The following RICTOR variants were observed in gnomAD, a reference collection of about 807,000 sequenced individuals.
RICTOR encodes rapamycin-insensitive companion of mTOR.
RICTOR carries 49 observed loss-of-function variants against 214.9 expected under a neutral mutation model. That is an observed-to-expected ratio of 0.23 (90% CI 0.18 to 0.29). RICTOR has a LOEUF of 0.29. RICTOR is among the 10% of genes least tolerant of loss of function. RICTOR has a pLI of 1.00. For synonymous variants in RICTOR, 717 were observed against 711.3 expected (o/e 1.01, Z -0.13); for missense variants, 1,625 against 2,047.0 (o/e 0.79, Z 3.98).
chr5:39,025,375 G>C (rs1374288533), intron 2 of RICTOR, among the ~76,000 whole-genome samples: 1 of 152,190 alleles, frequency 6.6e-6, no homozygotes, highest in African/African-American at 2.4e-5. Context: ...ACCTAGACCA[G>C]GGCTAGACCA....
rs535357199 is a variant in RICTOR, at chr5:39,039,658, A to G, written c.98-18522T>C. 2.1e-3 allele frequency among the ~76,000 whole-genome samples: 326 copies of G among 152,296 alleles called. 1 individual carries two copies. The highest frequency in any genetic ancestry group is 7.6e-3 in the African/African-American group (317 of 41,568). ...AACCCCATCAAAAAGTGGGCAAAGG[A>G]TATGAACAGACACTTCTCAAAAGAA... On this transcript the variant is annotated intron_variant, in intron 2 of 37. Transcript: ENST00000357387.
At chr5:38,990,623 TGATA>T (rs1752571645) in intron 7 of RICTOR, among the ~76,000 whole-genome samples, 1 of 107,368 alleles carries the variant, frequency 9.3e-6, no homozygotes, top group African/African-American at 3.6e-5. Context: ...ATACGATATA[TGATA>T]TATATATCTG....
intron 27 of RICTOR, among the ~76,000 whole-genome samples, chr5:38,954,504 C>A (rs1749067415): frequency 6.6e-6 from 1 of 151,852 alleles, no homozygotes; most frequent in Admixed American, 6.6e-5. Context: ...GAACTCAGAT[C>A]TTCATTGGAT....
At chr5:39,055,614 C>A (rs550552685) in intron 2 of RICTOR, among the ~76,000 whole-genome samples, 64 of 152,158 alleles carry the variant, frequency 4.2e-4, no homozygotes, top group African/African-American at 1.5e-3. Context: ...TAAAGGTCAA[C>A]AAATATTTGT....
At chr5:38,951,773 A>G (rs1204876802) in intron 30 of RICTOR, among the ~76,000 whole-genome samples, 1 of 152,026 alleles carries the variant, frequency 6.6e-6, no homozygotes, top group Non-Finnish European at 1.5e-5. Flanking sequence ...TTTAAAATTT[A>G]GTGCTTCTCT....
intron 29 of RICTOR, 65 bp from the exon 30 acceptor site, chr5:38,952,490 A>AG: frequency 9.1e-7 from 1 of 1,104,652 alleles, no homozygotes; most frequent in Admixed American, 2.0e-5. Context: ...AAGCCACCAC[A>AG]GATTAATTTG....
rs1398517192 is a variant in RICTOR at position 38,949,949 on chromosome 5, G to C, written c.3899C>G (p.Ala1300Gly). The C allele has an allele frequency of 6.2e-7, 1 of 1,613,556 alleles. No homozygotes were observed. The highest frequency in any genetic ancestry group is 1.3e-5 in the African/African-American group (1 of 74,972). Residue 1300 changes from alanine (A) to glycine (G), a missense_variant, in exon 31 of 38, where the codon GCA becomes GGA. Around this residue, in one of 5 missense-constraint regions of RICTOR, gnomAD observed 1,214 missense variants for 1,470.5 expected, o/e 0.83. Coordinates refer to ENST00000357387, the MANE Select transcript of RICTOR (RefSeq NM_152756.5). ...PGSSHTLPRR[A>G]QSLKAPSIAT... Reference sequence around the variant, plus strand: ...AATAGAGGGTGCTTTAAGGGACTGTGCTCTTCTAGGAAGCGTATGAGAAGA... The same window carrying C: ...AATAGAGGGTGCTTTAAGGGACTGTCCTCTTCTAGGAAGCGTATGAGAAGA...
intron 34 of RICTOR, 133 bp from the exon 35 acceptor site, chr5:38,945,201 A>C (rs1748057309): frequency 2.8e-6 from 2 of 706,620 alleles, no homozygotes; most frequent in Non-Finnish European, 4.6e-6. Flanking sequence ...ACACTTCCAA[A>C]ACTTTTTTCC....
chr5:38,993,827 C>T (rs964026935), intron 6 of RICTOR, among the ~76,000 whole-genome samples: 7 of 152,144 alleles, frequency 4.6e-5, no homozygotes, highest in African/African-American at 1.7e-4. Context: ...CATCTGACAA[C>T]TTTGCTTTCT....
chr5:39,042,333 CAG>C (rs1215880276), intron 2 of RICTOR, among the ~76,000 whole-genome samples: 2 of 152,154 alleles, frequency 1.3e-5, no homozygotes, highest in African/African-American at 2.4e-5. Context: ...ACTATACACA[CAG>C]AGAACCTATA....
chr5:38,964,562 G>A (rs1473874999), intron 16 of RICTOR, among the ~76,000 whole-genome samples: 1 of 151,692 alleles, frequency 6.6e-6, no homozygotes, highest in Non-Finnish European at 1.5e-5. Flanking sequence ...CTATGTCCTT[G>A]TCTACAAACA....
Position 38,966,674 on chromosome 5 carries a change from T to C in RICTOR, c.1266A>G (p.Arg422=). 6.3e-7 allele frequency: 1 copy of C among 1,594,494 alleles called. No homozygotes were observed. Among genetic ancestry groups the C allele is most frequent in the Non-Finnish European group, 8.6e-7 (1 of 1,164,536 alleles). The change falls in exon 15 of 38, where the codon AGA becomes AGG. Residue 422 remains arginine, a synonymous_variant. Transcript: ENST00000357387. ...ITNSDDHISV[R]ATILLGELLH... ...AAAGCTCTCCTAAAAGGATGGTAGC[T>C]CTAACTGAGATATGATCATCACTGT...
At chr5:39,068,170 T>C (rs1384775776) in intron 2 of RICTOR, among the ~76,000 whole-genome samples, 3 of 152,238 alleles carry the variant, frequency 2.0e-5, no homozygotes, top group Admixed American at 1.3e-4. Flanking sequence ...TTAGGACTTC[T>C]ATAGATAAAC....
At chr5:38,999,292 A>C (rs1042513735) in intron 5 of RICTOR, among the ~76,000 whole-genome samples, 1 of 150,320 alleles carries the variant, frequency 6.7e-6, no homozygotes, top group Admixed American at 6.6e-5. Context: ...TACAACAGAG[A>C]AAAAAAAAAT....
intron 2 of RICTOR, among the ~76,000 whole-genome samples, chr5:39,037,063 G>A (rs1273496463): frequency 6.6e-6 from 1 of 152,060 alleles, no homozygotes; most frequent in Non-Finnish European, 1.5e-5. Context: ...CCATATAGTT[G>A]GAAGTAAAGC....
intron 2 of RICTOR, among the ~76,000 whole-genome samples, chr5:39,058,759 C>T (rs1389560665): frequency 6.6e-6 from 1 of 152,042 alleles, no homozygotes; most frequent in South Asian, 2.1e-4. Context: ...TGTAGAAATA[C>T]TAAACTGATT....
intron 31 of RICTOR, 138 bp from the exon 32 acceptor site, chr5:38,947,579 G>T: frequency 1.6e-6 from 1 of 628,302 alleles, no homozygotes; most frequent in Non-Finnish European, 2.8e-6. Flanking sequence ...TTGTTTACTG[G>T]CAACACATAA....
chr5:39,068,004 G>C (rs1183795418), intron 2 of RICTOR, among the ~76,000 whole-genome samples: 2 of 152,212 alleles, frequency 1.3e-5, no homozygotes, highest in Middle Eastern at 6.8e-3. Context: ...CTAGTGAAGG[G>C]GGAAGAAACT....
intron 5 of RICTOR, among the ~76,000 whole-genome samples, 183 bp from the exon 6 acceptor site, chr5:38,997,065 T>G (rs1036152368): frequency 1.3e-5 from 2 of 152,138 alleles, no homozygotes; most frequent in Non-Finnish European, 2.9e-5. Flanking sequence ...GGGATAAATA[T>G]CTGTCATTTA....
Sources: allele counts gnomAD v4.1 joint callset (sites outside exome capture counted in the v4.1 genomes callset), GRCh38; gene constraint gnomAD v4.1.1; regional missense constraint gnomAD v4.1.1; transcripts MANE v1.5; gene names NCBI Gene and HGNC (gene_info 2026-07-23, HGNC 2026-07-21).